The following SH3RF3 variants were observed in gnomAD, a reference collection of about 807,000 sequenced individuals.
SH3RF3 encodes the protein SH3 domain containing ring finger 3, also known as E3 ubiquitin-protein ligase SH3RF3.
In SH3RF3, 29 loss-of-function variants were observed where a neutral mutation model predicts 66.3. The observed-to-expected ratio is 0.44, with a 90% confidence interval of 0.33 to 0.60. The LOEUF is 0.60. Ranked by LOEUF, SH3RF3 falls within the 20% of genes least tolerant of loss-of-function variation. The pLI is 0.04. For synonymous variants in SH3RF3, 583 were observed against 532.0 expected, an observed-to-expected ratio of 1.10 and a Z score of -1.32; for missense variants, 1,194 against 1,190.9, an observed-to-expected ratio of 1.00 and a Z score of -0.04.
chr2:109,220,983 G>A (rs1679219693), intron 1 of SH3RF3, among the ~76,000 whole-genome samples: 1 of 152,198 alleles, frequency 6.6e-6, no homozygotes, highest in Non-Finnish European at 1.5e-5. Flanking sequence ...GTTCATAATT[G>A]CATTATTCAT....
rs1163037369 is a variant in SH3RF3, at chr2:109,293,985, G to C, written c.574-53689G>C. Among the ~76,000 whole-genome samples, 5 of 152,288 alleles carry C rather than the reference G, an allele frequency of 3.3e-5. No homozygotes were observed. The South Asian group carries it at 1.0e-3, about 32-fold the overall frequency. On this transcript the variant is annotated intron_variant, in intron 1 of 9. Transcript: ENST00000309415. ...CCCTGGGTGGGGGTCTAGCATCCAG[G>C]GGGCAGTGCTTGGCCGAGCAGCTGG...
chr2:109,345,075 G>A (rs760496648), intron 1 of SH3RF3, among the ~76,000 whole-genome samples: 8 of 152,170 alleles, frequency 5.3e-5, no homozygotes, highest in Non-Finnish European at 7.3e-5. Flanking sequence ...CAGAATCCCC[G>A]TGACTCAGGA....
intron 1 of SH3RF3, among the ~76,000 whole-genome samples, chr2:109,136,784 T>A (rs1016971904): frequency 1.3e-5 from 2 of 152,222 alleles, no homozygotes; most frequent in African/African-American, 4.8e-5. Context: ...TGAATTAGGA[T>A]TGACCACAGG....
At chr2:109,150,959 G>A (rs1445313672) in intron 1 of SH3RF3, among the ~76,000 whole-genome samples, 2 of 152,232 alleles carry the variant, frequency 1.3e-5, no homozygotes, top group Non-Finnish European at 2.9e-5. Flanking sequence ...GGTGCTGATG[G>A]GGGAAGTCAG....
At chr2:109,136,264 G>A (rs879964) in intron 1 of SH3RF3, among the ~76,000 whole-genome samples, 5,646 of 152,086 alleles carry the variant, frequency 0.037, 353 homozygotes, top group African/African-American at 0.13. Flanking sequence ...TTTGCTGGGG[G>A]AAATGCTCTT....
chr2:109,249,647 CTCTT>C (rs749986705), intron 1 of SH3RF3, among the ~76,000 whole-genome samples: 30 of 130,850 alleles, frequency 2.3e-4, no homozygotes, highest in South Asian at 2.2e-3. Flanking sequence ...CTCTGTTTCT[CTCTT>C]TCTTTCTTTC....
intron 9 of SH3RF3, among the ~76,000 whole-genome samples, chr2:109,493,707 TACACACCATAA>T (rs1679187603): frequency 2.0e-5 from 3 of 150,778 alleles, no homozygotes; most frequent in Admixed American, 2.0e-4. Context: ...ACACCATACA[TACACACCATAA>T]ACACACACCA....
intron 7 of SH3RF3, among the ~76,000 whole-genome samples, chr2:109,445,848 C>T (rs898570082): frequency 2.0e-5 from 3 of 152,016 alleles, no homozygotes; most frequent in Admixed American, 1.3e-4. Context: ...GCTGGTGATG[C>T]AATAGATCAT....
chr2:109,463,645 C>T (rs968495779), intron 8 of SH3RF3, among the ~76,000 whole-genome samples: 3 of 152,204 alleles, frequency 2.0e-5, no homozygotes, highest in Non-Finnish European at 2.9e-5. Context: ...AAGAAGCCAT[C>T]AGACCCTGAG....
At chr2:109,452,684 G>C (rs925034327) in intron 8 of SH3RF3, among the ~76,000 whole-genome samples, 3 of 152,248 alleles carry the variant, frequency 2.0e-5, no homozygotes, top group Non-Finnish European at 4.4e-5. Flanking sequence ...TGTGGTGTCA[G>C]TGGCTATGGT....
rs181191219 is a variant in SH3RF3 at position 109,161,885 on chromosome 2, C to T, written c.573+31772C>T. On this transcript the variant is annotated intron_variant, in intron 1 of 9. Coordinates refer to ENST00000309415, the MANE Select transcript of SH3RF3 (RefSeq NM_001099289.3). ...ACATTTTAATACAAGGTTTGGGGGA[C>T]AAATATCCAAACTATAGCCTATCAC... 4.3e-3 allele frequency among the ~76,000 whole-genome samples: 658 copies of T among 151,832 alleles called. 3 individuals are homozygous for T. Among genetic ancestry groups the T allele is most frequent in the African/African-American group, 0.015 (631 of 41,398 alleles).
intron 9 of SH3RF3, among the ~76,000 whole-genome samples, chr2:109,492,842 GCTC>G (rs950888393): frequency 6.6e-6 from 1 of 152,052 alleles, no homozygotes; most frequent in Non-Finnish European, 1.5e-5. Context: ...ACATGTCACA[GCTC>G]CTCCAGGGGC....
intron 8 of SH3RF3, among the ~76,000 whole-genome samples, chr2:109,464,239 A>C (rs890436776): frequency 4.0e-5 from 6 of 151,896 alleles, no homozygotes; most frequent in Admixed American, 6.6e-5. Flanking sequence ...AAATCTACAG[A>C]GTCTACACAC....
At chr2:109,337,889 G>A (rs1222482320) in intron 1 of SH3RF3, among the ~76,000 whole-genome samples, 1 of 151,870 alleles carries the variant, frequency 6.6e-6, no homozygotes, top group Admixed American at 6.6e-5. Context: ...CACCACGCCT[G>A]GCTAATTTTT....
At chr2:109,306,810 C>T (rs540799215) in intron 1 of SH3RF3, among the ~76,000 whole-genome samples, 3 of 152,268 alleles carry the variant, frequency 2.0e-5, no homozygotes, top group South Asian at 4.1e-4. Context: ...TGGTTGATTA[C>T]GTATTTCCTA....
At chr2:109,137,054 T>A (rs764115380) in intron 1 of SH3RF3, among the ~76,000 whole-genome samples, 2 of 152,216 alleles carry the variant, frequency 1.3e-5, no homozygotes, top group Non-Finnish European at 2.9e-5. Flanking sequence ...AGCGATTGCA[T>A]TGGTCTCTAT....
At chr2:109,440,343 C>T (rs1419258038) in intron 7 of SH3RF3, among the ~76,000 whole-genome samples, 3 of 152,134 alleles carry the variant, frequency 2.0e-5, no homozygotes, top group Admixed American at 1.3e-4. Context: ...CGCTGGAATA[C>T]GGATAGGGTG....
chr2:109,311,979 T>C (rs1277060743), intron 1 of SH3RF3, among the ~76,000 whole-genome samples: 1 of 152,072 alleles, frequency 6.6e-6, no homozygotes, highest in East Asian at 1.9e-4. Flanking sequence ...GGCTGTGTGG[T>C]GGTGAGGTCG....
At chr2:109,140,310 A>C (rs1441235115) in intron 1 of SH3RF3, among the ~76,000 whole-genome samples, 1 of 152,072 alleles carries the variant, frequency 6.6e-6, no homozygotes. Flanking sequence ...TTCTTTGTGA[A>C]TCATAAATCT....
Sources: gnomAD v4.1 joint callset for allele counts (sites outside exome capture counted in the v4.1 genomes callset) on GRCh38, gnomAD v4.1.1 for gene constraint, MANE v1.5 for transcripts, NCBI Gene and HGNC (gene_info 2026-07-23, HGNC 2026-07-21) for gene names.